NLRP7: variants seen among roughly 807,000 people sequenced by gnomAD.
The protein encoded by NLRP7 is NACHT, LRR and PYD domains-containing protein 7.
Under a neutral mutation model 85.5 loss-of-function variants are expected in NLRP7, and 72 were observed. The observed-to-expected ratio is 0.84, with a 90% CI of 0.70 to 1.02. NLRP7 has a LOEUF of 1.02. Ranked by LOEUF, NLRP7 falls within the 50% of genes least tolerant of loss-of-function variation. The pLI, the probability that NLRP7 is intolerant of heterozygous loss-of-function variation, is 0.00. For missense variants in NLRP7, 1,243 were observed against 1,219.5 expected (o/e 1.02, Z -0.29); for synonymous variants, 550 against 505.2 (o/e 1.09, Z -1.19).
In NLRP7 at chr19:54,923,702, C is replaced by A. The variant is rs749599293; in HGVS notation, c.*38G>T. Reference sequence around the variant, plus strand: ...ATAAGACATCTTAGAGACCCGAATCCCGCTTCCTGTGTAATTCGTAGAGCG... The same window carrying A: ...ATAAGACATCTTAGAGACCCGAATCACGCTTCCTGTGTAATTCGTAGAGCG... On this transcript the variant is annotated 3_prime_UTR_variant, in exon 10 of 10. Coordinates refer to ENST00000340844, the Ensembl canonical transcript of NLRP7. The A allele has an allele frequency of 1.3e-5, 21 of 1,611,058 alleles. No individual in the cohort carries two copies. In the Admixed American group the frequency reaches 3.5e-4, roughly 27 times the overall value.
chr19:54,939,320 A>G (rs780571093), exon 4 of NLRP7: 2 of 1,614,086 alleles, frequency 1.2e-6, no homozygotes, highest in East Asian at 2.2e-5. Context: ...CAGCTTCTGT[A>G]CGTCCCCGAT....
chr19:54,939,346 G>T (rs757367902), exon 4 of NLRP7: 7 of 1,614,114 alleles, frequency 4.3e-6, no homozygotes, highest in Non-Finnish European at 5.9e-6. Context: ...AGGCGTGGCC[G>T]TCCCTGTCCT....
intron 9 of NLRP7, among the ~76,000 whole-genome samples, chr19:54,924,958 G>C (rs541223968): frequency 6.6e-6 from 1 of 152,164 alleles, no homozygotes; most frequent in African/African-American, 2.4e-5. Context: ...ATAAAAAATA[G>C]TGGCAAATCA....
At chr19:54,936,969 T>A (rs552594451) in intron 5 of NLRP7, among the ~76,000 whole-genome samples, 2 of 151,200 alleles carry the variant, frequency 1.3e-5, no homozygotes, top group South Asian at 4.2e-4. Flanking sequence ...TCCCAGCACT[T>A]TGGGAGGCCG....
intron 1 of NLRP7, among the ~76,000 whole-genome samples, chr19:54,955,575 A>T (rs764133256): frequency 6.6e-6 from 1 of 152,160 alleles, no homozygotes; most frequent in East Asian, 1.9e-4. Flanking sequence ...AGGTGGGTGA[A>T]TCATTTGAGG....
chr19:54,959,706 T>TA (rs543306518), intron 1 of NLRP7, among the ~76,000 whole-genome samples: 12 of 151,514 alleles, frequency 7.9e-5, no homozygotes, highest in Non-Finnish European at 1.2e-4. Context: ...CTACAAAAAA[T>TA]AAAAAAATTA....
chr19:54,940,962 A>T (rs1262618486), exon 3 of NLRP7: 1 of 1,613,148 alleles, frequency 6.2e-7, no homozygotes, highest in Admixed American at 1.7e-5. Flanking sequence ...CTTCTTCTGC[A>T]TCTCCCAGCT....
At chr19:54,959,105 C>T (rs1334947320) in intron 1 of NLRP7, among the ~76,000 whole-genome samples, 1 of 151,322 alleles carries the variant, frequency 6.6e-6, no homozygotes, top group Non-Finnish European at 1.5e-5. Flanking sequence ...GCCGGGCTAC[C>T]TGCCTTTGGT....
At chr19:54,953,132 G>C (rs1459981044) in intron 1 of NLRP7, 2 of 152,072 alleles carry the variant, frequency 1.3e-5, no homozygotes, top group African/African-American at 4.8e-5. Context: ...GTCAGCACAA[G>C]ATACAGGTCA....
chr19:54,942,566 A>G lies in NLRP7; in HGVS notation c.-39-816T>C, dbSNP rs1395974948. ...CGGCGAAACCCCATCTCTACTAAAA[A>G]TACAGAAATTACAGGCGGGTGCCTG... is the stretch of plus-strand genomic sequence containing the variant. On this transcript the variant is annotated intron_variant, in intron 1 of 9. Coordinates refer to ENST00000340844, the Ensembl canonical transcript of NLRP7. Among the ~76,000 whole-genome samples, 27 of 38,404 alleles carry G rather than the reference A, an allele frequency of 7.0e-4. 1 individual carries two copies. 25.2% of individuals were successfully genotyped at this position (38,404 alleles called of 152,430 possible). A position where few individuals can be genotyped will look rare whatever the true frequency, so the allele number is the denominator to read the frequency against.
At chr19:54,955,181 T>A (rs1234744526) in intron 1 of NLRP7, among the ~76,000 whole-genome samples, 3 of 151,490 alleles carry the variant, frequency 2.0e-5, no homozygotes, top group Non-Finnish European at 4.4e-5. Context: ...ACAAAAAAAT[T>A]AGCTGGGTGT....
At chr19:54,949,475 G>C (rs1021722410), upstream of NLRP7, among the ~76,000 whole-genome samples, 6 of 152,126 alleles carry the variant, frequency 3.9e-5, no homozygotes, top group Admixed American at 3.3e-4. Flanking sequence ...GAGAGAGAGA[G>C]TATATTTTGT....
rs1412378494 is a variant in NLRP7, at chr19:54,952,735, A to G, written c.-76-5230T>C. 2.0e-5 allele frequency among the ~76,000 whole-genome samples: 3 copies of G among 152,118 alleles called. No homozygotes were observed. In the South Asian group the frequency reaches 6.2e-4, roughly 31 times the overall value. The stretch of plus-strand genomic sequence containing the variant: ...CCCGGCAAATTGACTCACAGCGTGC[A>G]TTGGGCAACGGACCTACTGTCAGAG... On this transcript the variant is annotated intron_variant, in intron 1 of 2. Coordinates refer to the NLRP7 transcript ENST00000587103.
At chr19:54,941,880 G>A in intron 1 of NLRP7, 130 bp from the exon 2 acceptor site, 1 of 760,884 alleles carries the variant, frequency 1.3e-6, no homozygotes, top group South Asian at 2.3e-5. Context: ...ACTGAATTAA[G>A]AGACTGAAAA....
chr19:54,924,912 G>A (rs970410870), intron 9 of NLRP7, among the ~76,000 whole-genome samples: 2 of 152,148 alleles, frequency 1.3e-5, no homozygotes, highest in Admixed American at 1.3e-4. Context: ...ACTGCAGCCC[G>A]GGTGACAGAG....
chr19:54,945,115 C>A (rs1329775532), intron 1 of NLRP7, among the ~76,000 whole-genome samples: 1 of 151,040 alleles, frequency 6.6e-6, no homozygotes, highest in East Asian at 2.0e-4. Context: ...TGGTGGCGGG[C>A]GCCTGTAGTC....
intron 9 of NLRP7, 35 bp from the exon 11 acceptor site, chr19:54,923,907 A>G: frequency 1.2e-6 from 2 of 1,610,390 alleles, no homozygotes; most frequent in Non-Finnish European, 1.7e-6. Flanking sequence ...GTTCCCAGAA[A>G]TTCATTCTCA....
chr19:54,940,165 CATGCGG>C, exon 4 of NLRP7: 1 of 1,614,204 alleles, frequency 6.2e-7, no homozygotes, highest in South Asian at 1.1e-5. Context: ...TGCAGGGGCC[CATGCGG>C]CTGAGCTCCT....
Position 54,961,177 on chromosome 19 carries a change from G to A in NLRP7, c.-77+4863C>T, listed in dbSNP as rs576123352. Among the ~76,000 whole-genome samples, 36 of 151,896 alleles carry A rather than the reference G, an allele frequency of 2.4e-4. No homozygotes were observed. In the South Asian group the frequency reaches 5.4e-3, roughly 23 times the overall value. On this transcript the variant is annotated intron_variant, in intron 1 of 2. Transcript: ENST00000587103. ...CCATGGAGCCCAGGAGTTCAAGACC[G>A]GCCCGGTGTACAAAGTGAGACCCAG...
Sources: gnomAD v4.1 joint callset for allele counts (sites outside exome capture counted in the v4.1 genomes callset) on GRCh38, gnomAD v4.1.1 for gene constraint, MANE v1.5 for transcripts, NCBI Gene and HGNC (gene_info 2026-07-23, HGNC 2026-07-21) for gene names.